The following ACKR3 variants were observed in gnomAD, a reference collection of about 807,000 sequenced individuals.
The protein encoded by ACKR3 is atypical chemokine receptor 3.
In ACKR3, 6 loss-of-function variants were observed where a neutral mutation model predicts 22.4. That is an observed-to-expected ratio of 0.27 (90% confidence interval 0.15 to 0.53). The LOEUF is 0.53. ACKR3 is among the 20% of genes least tolerant of loss of function. The pLI is 0.96. For synonymous variants in ACKR3, 209 were observed against 205.2 expected, an observed-to-expected ratio of 1.02 and a Z score of -0.16; for missense variants, 396 against 475.2, an observed-to-expected ratio of 0.83 and a Z score of 1.55.
At chr2:236,541,599 T>C in the ACKR3 span, among the ~76,000 whole-genome samples, 4 of 152,228 alleles carry the variant, frequency 2.6e-5, no homozygotes, top group South Asian at 6.2e-4. Context: ...TTGTTTGACT[T>C]AGCACAGAAC....
Position 236,580,660 on chromosome 2 carries a change from G to C in ACKR3, c.195G>C (p.Val65=), listed in dbSNP as rs1207495414. Residue 65 remains valine, a synonymous_variant, in exon 2 of 2, where the codon GTG becomes GTC. Transcript: ENST00000272928. ...TCGGCATGATTGCCAACTCCGTGGT[G>C]GTCTGGGTGAATATCCAGGCCAAGA... ...FVIGMIANSV[V]VWVNIQAKTT... 6.2e-7 allele frequency: 1 copy of C among 1,614,108 alleles called. No homozygotes were observed. The highest frequency in any genetic ancestry group is 2.2e-5 in the East Asian group (1 of 44,880).
the ACKR3 span, among the ~76,000 whole-genome samples, chr2:236,559,160 G>GA: frequency 2.0e-5 from 3 of 152,206 alleles, no homozygotes; most frequent in South Asian, 2.1e-4. Context: ...TCAGAGATCA[G>GA]AAAAATTCTT....
chr2:236,576,768 G>T (rs1040998268), intron 1 of ACKR3, among the ~76,000 whole-genome samples: 1 of 152,374 alleles, frequency 6.6e-6, no homozygotes, highest in African/African-American at 2.4e-5. Flanking sequence ...TAAGGGGATT[G>T]TCTTTGTCAA....
At chr2:236,559,440 C>G in the ACKR3 span, among the ~76,000 whole-genome samples, 1 of 152,152 alleles carries the variant, frequency 6.6e-6, no homozygotes, top group South Asian at 2.1e-4. Context: ...CCTCTCTCTG[C>G]CTGCCCCAGG....
chr2:236,557,321 C>G, the ACKR3 span, among the ~76,000 whole-genome samples: 6 of 151,554 alleles, frequency 4.0e-5, no homozygotes, highest in African/African-American at 1.5e-4. Context: ...ACTGAGAGAG[C>G]CTGGAAGTTG....
chr2:236,548,574 C>T, the ACKR3 span, among the ~76,000 whole-genome samples: 1 of 152,284 alleles, frequency 6.6e-6, no homozygotes, highest in Non-Finnish European at 1.5e-5. This position sits in a 1 kb window ranked among gnomAD's most constrained non-coding sequence, Gnocchi z 4.3. Context: ...GATCTGACTT[C>T]TCAGCTTTGT....
At chr2:236,567,001 T>C (rs1044166733), upstream of ACKR3, among the ~76,000 whole-genome samples, 1 of 150,760 alleles carries the variant, frequency 6.6e-6, no homozygotes, top group African/African-American at 2.5e-5. Context: ...CTTCCTTCCT[T>C]CCCCCTTCCC....
chr2:236,557,408 G>T, the ACKR3 span, among the ~76,000 whole-genome samples: 6 of 152,042 alleles, frequency 3.9e-5, no homozygotes, highest in Non-Finnish European at 8.8e-5. Flanking sequence ...AAGGCTCCTT[G>T]GAAAGGCAGA....
At chr2:236,544,835 G>A in the ACKR3 span, among the ~76,000 whole-genome samples, 4 of 152,200 alleles carry the variant, frequency 2.6e-5, no homozygotes, top group Non-Finnish European at 4.4e-5. The surrounding 1 kb of genome is among the most constrained non-coding windows in gnomAD (Gnocchi z 5.0). Context: ...GTAGAGACAC[G>A]GAGTGCAGGC....
chr2:236,560,531 C>A, the ACKR3 span, among the ~76,000 whole-genome samples: 2 of 152,026 alleles, frequency 1.3e-5, no homozygotes, highest in Non-Finnish European at 2.9e-5. Context: ...GACTATTGTT[C>A]TTTTTTTCCC....
chr2:236,551,316 C>A, the ACKR3 span, among the ~76,000 whole-genome samples: 1 of 152,218 alleles, frequency 6.6e-6, no homozygotes, highest in Non-Finnish European at 1.5e-5. Flanking sequence ...CTTGTCAAGC[C>A]TCAGGAGACC....
At chr2:236,541,123 A>G in the ACKR3 span, among the ~76,000 whole-genome samples, 1 of 152,254 alleles carries the variant, frequency 6.6e-6, no homozygotes, top group Non-Finnish European at 1.5e-5. Flanking sequence ...ATATCACTGT[A>G]GAAAACATGT....
At chr2:236,550,355 T>G in the ACKR3 span, among the ~76,000 whole-genome samples, 1 of 152,218 alleles carries the variant, frequency 6.6e-6, no homozygotes, top group Non-Finnish European at 1.5e-5. This position sits in a 1 kb window ranked among gnomAD's most constrained non-coding sequence, Gnocchi z 4.6. Context: ...GCCAGGCCAG[T>G]GTGCACGCTG....
chr2:236,538,102 C>T, the ACKR3 span, among the ~76,000 whole-genome samples: 3 of 151,506 alleles, frequency 2.0e-5, no homozygotes, highest in Middle Eastern at 3.4e-3. Flanking sequence ...TTTTTTCTAG[C>T]GTGAAAAGCA....
At chr2:236,564,564 T>A (rs1392430758), upstream of ACKR3, among the ~76,000 whole-genome samples, 1 of 151,154 alleles carries the variant, frequency 6.6e-6, no homozygotes, top group Non-Finnish European at 1.5e-5. Context: ...ATCATACCCT[T>A]GGTTGCCCTT....
chr2:236,539,594 T>C, the ACKR3 span, among the ~76,000 whole-genome samples: 2 of 152,148 alleles, frequency 1.3e-5, no homozygotes. Flanking sequence ...ATTATAGGCA[T>C]GAGCATCCGC....
the ACKR3 span, among the ~76,000 whole-genome samples, chr2:236,560,895 G>A: frequency 2.6e-5 from 4 of 152,146 alleles, no homozygotes; most frequent in African/African-American, 9.7e-5. Flanking sequence ...CCAAGGTAAG[G>A]AAACAGCCTA....
chr2:236,579,284 C>A (rs1184735745), intron 1 of ACKR3, among the ~76,000 whole-genome samples: 1 of 152,202 alleles, frequency 6.6e-6, no homozygotes, highest in Non-Finnish European at 1.5e-5. Context: ...CTAGGCCAGT[C>A]ATTACCTGGG....
the ACKR3 span, among the ~76,000 whole-genome samples, chr2:236,538,571 G>A: frequency 1.3e-5 from 2 of 152,154 alleles, no homozygotes; most frequent in Admixed American, 1.3e-4. Context: ...TTCTAAGGTG[G>A]ACCGGGGCAG....
Sources: gnomAD v4.1 joint callset for allele counts (sites outside exome capture counted in the v4.1 genomes callset) on GRCh38, gnomAD v4.1.1 for gene constraint, Gnocchi (gnomAD v3.1) non-coding constraint, MANE v1.5 for transcripts, NCBI Gene and HGNC (gene_info 2026-07-23, HGNC 2026-07-21) for gene names.